CTNND2: variants seen among roughly 807,000 people sequenced by gnomAD.
CTNND2 encodes catenin delta 2, also known as catenin delta-2.
Under a neutral mutation model 144.4 loss-of-function variants are expected in CTNND2, and 22 were observed. The ratio of observed to expected loss-of-function variants is 0.15; its 90% CI spans 0.11 to 0.22. The LOEUF (loss-of-function observed/expected upper bound fraction) is 0.22. Among genes scored for constraint, CTNND2 ranks in the 10% least tolerant of loss-of-function variants. The probability of loss-of-function intolerance (pLI) is 1.00; values close to 1 mark genes in which losing one functional copy is unlikely to be tolerated. For synonymous variants in CTNND2, 751 were observed against 695.6 expected (o/e 1.08, Z -1.25); for missense variants, 1,353 against 1,618.8 (o/e 0.84, Z 2.82).
At chr5:11,105,364 C>T (rs1052838058) in intron 14 of CTNND2, among the ~76,000 whole-genome samples, 1 of 152,146 alleles carries the variant, frequency 6.6e-6, no homozygotes. Context: ...GGGGGACAAG[C>T]GGCAATGTCT....
chr5:11,466,393 A>G (rs972205754), intron 3 of CTNND2, among the ~76,000 whole-genome samples: 8 of 152,200 alleles, frequency 5.3e-5, no homozygotes, highest in Non-Finnish European at 2.9e-5. Flanking sequence ...CCCAGGACTT[A>G]TCTGTCAATT....
At chr5:11,744,410 C>A (rs1022266880) in intron 1 of CTNND2, among the ~76,000 whole-genome samples, 2 of 152,142 alleles carry the variant, frequency 1.3e-5, no homozygotes, top group African/African-American at 4.8e-5. Flanking sequence ...GATCTCTCAA[C>A]AGCAATCAGG....
rs372962432 is a variant in CTNND2, at chr5:10,973,479, G to A, written c.3652C>T (p.Pro1218Ser). Residue 1218 changes from proline to serine, a missense_variant, in exon 22 of 22, where the codon CCG becomes TCG. Pro to Ser is a moderately conservative substitution (Grantham distance 74). Around this residue, in one of 4 missense-constraint regions of CTNND2, gnomAD observed 459 missense variants for 674.3 expected, o/e 0.68. Coordinates refer to ENST00000304623, the MANE Select transcript of CTNND2 (RefSeq NM_001332.4). The surrounding 1 kb of genome is among the most constrained non-coding windows in gnomAD (Gnocchi z 5.6). ...CACACCCAGGAGTCGGGGGAGGCCG[G>A]GTAGTGGCTCGTTTCATAGTTCAGT... ...SELNYETSHYPASPDSWV is the reference protein window; with the variant it reads ...SELNYETSHYSASPDSWV 2 of 1,603,970 alleles carry A rather than the reference G, an allele frequency of 1.2e-6. No homozygotes were observed. Among genetic ancestry groups the A allele is most frequent in the East Asian group, 2.2e-5 (1 of 44,672 alleles).
intron 16 of CTNND2, among the ~76,000 whole-genome samples, chr5:11,039,035 G>C (rs1004009408): frequency 4.6e-5 from 7 of 152,186 alleles, no homozygotes; most frequent in Non-Finnish European, 7.3e-5. Context: ...CTCATTCAGG[G>C]AAACAGGACA....
chr5:11,506,195 A>G (rs1396629557), intron 3 of CTNND2, among the ~76,000 whole-genome samples: 1 of 152,128 alleles, frequency 6.6e-6, no homozygotes, highest in Non-Finnish European at 1.5e-5. Flanking sequence ...GGGGGCTATC[A>G]TAGGAGATTG....
At chr5:11,013,649 T>A (rs1186687585) in intron 18 of CTNND2, among the ~76,000 whole-genome samples, 1 of 152,228 alleles carries the variant, frequency 6.6e-6, no homozygotes, top group African/African-American at 2.4e-5. Flanking sequence ...TTTTGGATGA[T>A]TACAGTTACC....
intron 18 of CTNND2, among the ~76,000 whole-genome samples, chr5:10,997,523 C>T (rs943316764): frequency 6.7e-6 from 1 of 149,962 alleles, no homozygotes; most frequent in African/African-American, 2.5e-5. Flanking sequence ...AGCTGGGAGG[C>T]GGAGATTGCA....
At chr5:11,756,703 TTGTC>T (rs1481995071) in intron 1 of CTNND2, among the ~76,000 whole-genome samples, 5 of 151,388 alleles carry the variant, frequency 3.3e-5, no homozygotes, top group Non-Finnish European at 7.4e-5. Context: ...GCTATATATA[TTGTC>T]TGTAACTTTT....
At chr5:11,801,236 T>C (rs752819843) in intron 1 of CTNND2, among the ~76,000 whole-genome samples, 1 of 152,206 alleles carries the variant, frequency 6.6e-6, no homozygotes, top group Non-Finnish European at 1.5e-5. Context: ...GTTTGCACAG[T>C]GGTTTTATTT....
chr5:10,992,866 C>A (rs1351365966), intron 18 of CTNND2, among the ~76,000 whole-genome samples, 189 bp from the exon 19 acceptor site: 1 of 152,176 alleles, frequency 6.6e-6, no homozygotes, highest in Non-Finnish European at 1.5e-5. Context: ...CTCCTTCCCT[C>A]CAGAGAGCCT....
intron 1 of CTNND2, among the ~76,000 whole-genome samples, chr5:11,776,646 G>A (rs554944784): frequency 6.6e-5 from 10 of 152,214 alleles, no homozygotes; most frequent in Admixed American, 1.3e-4. Context: ...ACCTCACAAA[G>A]AGCTGATAAG....
At chr5:11,759,353 C>A (rs1789127862) in intron 1 of CTNND2, among the ~76,000 whole-genome samples, 1 of 151,962 alleles carries the variant, frequency 6.6e-6, no homozygotes. Flanking sequence ...AGCATACTAG[C>A]AAATGCTTAA....
At chr5:11,439,750 ATCTATCTATCT>A (rs1384996711) in intron 3 of CTNND2, among the ~76,000 whole-genome samples, 1 of 79,542 alleles carries the variant, frequency 1.3e-5, no homozygotes, top group African/African-American at 3.7e-5. Flanking sequence ...ATATCTATCT[ATCTATCTATCT>A]ATCTATCTAT....
intron 16 of CTNND2, among the ~76,000 whole-genome samples, chr5:11,045,337 C>T (rs1451300324): frequency 6.6e-6 from 1 of 151,848 alleles, no homozygotes; most frequent in African/African-American, 2.4e-5. Flanking sequence ...CCAGTGTGTG[C>T]AGAGATCGTA....
Position 11,364,908 on chromosome 5 carries a change from A to G in CTNND2, c.1178-18T>C. The G allele has an allele frequency of 1.2e-6, 2 of 1,601,148 alleles. No homozygotes were observed. The highest frequency in any genetic ancestry group is 1.7e-6 in the Non-Finnish European group (2 of 1,174,656). On this transcript the variant is annotated intron_variant, in intron 7 of 21. Coordinates refer to ENST00000304623, the MANE Select transcript of CTNND2 (RefSeq NM_001332.4). ...GGAACCAGCTGAAATAAATCAACAG[A>G]GGGACATCAAAGCTCAGGCGACCTC...
chr5:11,472,038 C>T (rs1346157030), intron 3 of CTNND2, among the ~76,000 whole-genome samples: 1 of 152,094 alleles, frequency 6.6e-6, no homozygotes, highest in Non-Finnish European at 1.5e-5. Flanking sequence ...CAAAGGTATC[C>T]TAAACAACAG....
chr5:11,865,929 A>G (rs6554652), intron 1 of CTNND2, among the ~76,000 whole-genome samples: 91,346 of 141,242 alleles, frequency 0.65, 30,665 homozygotes, highest in East Asian at 0.81. Context: ...GTTCTCCTCT[A>G]GAGCCTCCAG....
At chr5:11,854,042 C>T (rs188872691) in intron 1 of CTNND2, among the ~76,000 whole-genome samples, 2 of 152,300 alleles carry the variant, frequency 1.3e-5, no homozygotes, top group Non-Finnish European at 2.9e-5. Context: ...CCCTGGAAAA[C>T]CTGGCTGAGC....
At chr5:11,372,403 G>A (rs761606724) in intron 7 of CTNND2, among the ~76,000 whole-genome samples, 2 of 152,138 alleles carry the variant, frequency 1.3e-5, no homozygotes, top group Non-Finnish European at 2.9e-5. Flanking sequence ...TAGTGGTAAC[G>A]GAGTATAATG....
Sources: gnomAD v4.1 joint callset for allele counts (sites outside exome capture counted in the v4.1 genomes callset) on GRCh38, gnomAD v4.1.1 for gene constraint, gnomAD v4.1.1 regional missense constraint, Gnocchi (gnomAD v3.1) non-coding constraint, MANE v1.5 for transcripts, NCBI Gene and HGNC (gene_info 2026-07-23, HGNC 2026-07-21) for gene names.